CEP170: variants seen among roughly 807,000 people sequenced by gnomAD.
The protein encoded by CEP170 is centrosomal protein 170.
In CEP170, 21 loss-of-function variants were observed where a neutral mutation model predicts 151.9. The observed-to-expected ratio is 0.14, with a 90% confidence interval of 0.10 to 0.20. CEP170 has a LOEUF of 0.20. Ranked by LOEUF, CEP170 falls within the 10% of genes least tolerant of loss-of-function variation. CEP170 has a pLI of 1.00. For missense variants in CEP170, 964 were observed against 1,892.9 expected (o/e 0.51, Z 9.11); for synonymous variants, 356 against 648.8 (o/e 0.55, Z 6.86).
At chr1:243,220,067 C>T (rs1377541943) in intron 3 of CEP170, among the ~76,000 whole-genome samples, 1 of 152,218 alleles carries the variant, frequency 6.6e-6, no homozygotes, top group African/African-American at 2.4e-5. Context: ...TTGCCTATCT[C>T]TGCTAATTTT....
rs571346699 is a variant in CEP170 at position 243,245,431 on chromosome 1, C to T, written c.-42+9609G>A. Among the ~76,000 whole-genome samples, 38 of 151,968 alleles carry T rather than the reference C, an allele frequency of 2.5e-4. 1 individual carries two copies. Among genetic ancestry groups the T allele is most frequent in the Admixed American group, 2.3e-3 (35 of 15,250 alleles). On this transcript the variant is annotated intron_variant, in intron 1 of 19. Transcript: ENST00000366542. Reference sequence around the variant, plus strand: ...CTTGTCTCTATAAAAAAATAAAAAACCTTGGCCAGTGCGGTGGCTCACGCC... The same window carrying T: ...CTTGTCTCTATAAAAAAATAAAAAATCTTGGCCAGTGCGGTGGCTCACGCC...
intron 1 of CEP170, among the ~76,000 whole-genome samples, chr1:243,231,178 CATCATCATCATCATT>C (rs1457216696): frequency 1.0e-4 from 13 of 126,710 alleles, no homozygotes; most frequent in East Asian, 2.6e-4. Context: ...TCATCATCAT[CATCATCATCATCATT>C]ATTATTATTA....
chr1:243,190,441 A>AT (rs1320898875), intron 8 of CEP170, among the ~76,000 whole-genome samples: 6 of 152,132 alleles, frequency 3.9e-5, no homozygotes, highest in Non-Finnish European at 5.9e-5. Context: ...TTCAACTCTA[A>AT]TTTTCATGAA....
chr1:243,205,727 C>G (rs766427483), intron 4 of CEP170, among the ~76,000 whole-genome samples: 44 of 152,024 alleles, frequency 2.9e-4, no homozygotes, highest in Non-Finnish European at 2.9e-4. Flanking sequence ...TAACACTCAG[C>G]AAAGTAAAAT....
intron 4 of CEP170, among the ~76,000 whole-genome samples, chr1:243,208,247 T>G (rs1406663603): frequency 1.3e-5 from 2 of 152,176 alleles, no homozygotes; most frequent in Admixed American, 1.3e-4. Context: ...CCTGAACTAC[T>G]GCAATAGCCT....
intron 1 of CEP170, among the ~76,000 whole-genome samples, chr1:243,250,611 A>C (rs535952143): frequency 1.3e-5 from 2 of 152,234 alleles, no homozygotes; most frequent in Non-Finnish European, 2.9e-5. Context: ...CATGACCAAC[A>C]TCAAAAGAAA....
intron 14 of CEP170, among the ~76,000 whole-genome samples, chr1:243,146,984 C>T (rs1314027182): frequency 6.6e-6 from 1 of 150,590 alleles, no homozygotes; most frequent in Non-Finnish European, 1.5e-5. Context: ...AATTGTGAAT[C>T]CCCCATCTAG....
chr1:243,242,310 C>T lies in CEP170; in HGVS notation c.-42+12730G>A, dbSNP rs541581753. 2.0e-5 allele frequency among the ~76,000 whole-genome samples: 3 copies of T among 152,190 alleles called. No homozygotes were observed. In the South Asian group the frequency reaches 6.2e-4, roughly 32 times the overall value. On this transcript the variant is annotated intron_variant, in intron 1 of 19. Transcript: ENST00000366542. ...CTCTGCTCAATACAAGCTCCACCTCCCGGGTTCACGCCATTCTCCTGCCTC... is the reference window on the plus strand; with the variant it reads ...CTCTGCTCAATACAAGCTCCACCTCTCGGGTTCACGCCATTCTCCTGCCTC...
At chr1:243,192,243 A>C (rs1196721243) in intron 7 of CEP170, among the ~76,000 whole-genome samples, 6 of 152,158 alleles carry the variant, frequency 3.9e-5, no homozygotes, top group Non-Finnish European at 8.8e-5. Flanking sequence ...CAGAATATGC[A>C]AAAGTGTCAA....
At position 243,185,708 on chromosome 1, in the gene CEP170, T is replaced by A. The variant is rs911981852; in HGVS notation, c.1566+71A>T. On this transcript the variant is annotated intron_variant, in intron 10 of 19. Transcript: ENST00000366542. This position sits in a 1 kb window ranked among gnomAD's most constrained non-coding sequence, Gnocchi z 4.9. Reference sequence around the variant, plus strand: ...CTGCATGACAACATCTCATGCTGACTCTCCAATAATTTCCACCAGTCAAAT... The same window carrying A: ...CTGCATGACAACATCTCATGCTGACACTCCAATAATTTCCACCAGTCAAAT... 5.4e-6 allele frequency: 8 copies of A among 1,483,378 alleles called. No individual in the cohort carries two copies. In the African/African-American group the frequency reaches 1.1e-4, roughly 21 times the overall value. The allele number at this position is 1,483,378 out of a possible 1,614,324, so 91.9% of individuals were successfully genotyped here.
chr1:243,199,634 A>C (rs531295973), intron 6 of CEP170, among the ~76,000 whole-genome samples: 52 of 152,274 alleles, frequency 3.4e-4, no homozygotes, highest in African/African-American at 1.1e-3. Context: ...TGTAAAAGAC[A>C]AAGCTAAAGT....
At chr1:243,164,195 A>G in intron 13 of CEP170, 89 bp downstream of exon 13, 2 of 1,316,134 alleles carry the variant, frequency 1.5e-6, no homozygotes, top group Non-Finnish European at 1.9e-6. Flanking sequence ...TGGGAAGACA[A>G]CTAGAACCTT....
chr1:243,164,666 G>A lies in CEP170; in HGVS notation c.3294C>T (p.Thr1098=). 2.5e-6 allele frequency: 4 copies of A among 1,613,774 alleles called. No individual in the cohort carries two copies. Among genetic ancestry groups the A allele is most frequent in the Non-Finnish European group, 3.4e-6 (4 of 1,179,716 alleles). The change falls in exon 13 of 20, where the codon ACC becomes ACT. Residue 1098 remains threonine (T), a synonymous_variant. Coordinates refer to ENST00000366542, the MANE Select transcript of CEP170 (RefSeq NM_014812.3). ...KSTTLPRPRP[T]RTSLLRRARL... Reference sequence around the variant, plus strand: ...GTGCTCTGCGCAAGAGGGAAGTCCTGGTAGGTCGTGGCCTTGGAAGGGTGG... The same window carrying A: ...GTGCTCTGCGCAAGAGGGAAGTCCTAGTAGGTCGTGGCCTTGGAAGGGTGG...
intron 4 of CEP170, among the ~76,000 whole-genome samples, chr1:243,208,529 A>G (rs2061566927): frequency 6.6e-6 from 1 of 151,718 alleles, no homozygotes; most frequent in African/African-American, 2.4e-5. Context: ...TATTCCTCCA[A>G]TATGTCAAAC....
intron 1 of CEP170, among the ~76,000 whole-genome samples, chr1:243,240,820 G>C (rs1270281051): frequency 6.6e-6 from 1 of 152,052 alleles, no homozygotes; most frequent in Non-Finnish European, 1.5e-5. Flanking sequence ...AGCCTCCCAA[G>C]TAGCTGGGAT....
At chr1:243,230,176 C>T (rs1420562996) in intron 1 of CEP170, among the ~76,000 whole-genome samples, 2 of 151,804 alleles carry the variant, frequency 1.3e-5, no homozygotes, top group Non-Finnish European at 1.5e-5. Context: ...CATAATGAGA[C>T]CTCATATCTA....
At chr1:243,169,969 A>G (rs1449072898) in intron 11 of CEP170, among the ~76,000 whole-genome samples, 1 of 152,240 alleles carries the variant, frequency 6.6e-6, no homozygotes, top group Non-Finnish European at 1.5e-5. Flanking sequence ...ACTAAAAATG[A>G]CACCTCTCAA....
intron 10 of CEP170, among the ~76,000 whole-genome samples, chr1:243,174,824 T>C (rs959762621): frequency 5.1e-4 from 77 of 152,360 alleles, no homozygotes; most frequent in African/African-American, 1.6e-3. Context: ...ATAACCTGTG[T>C]CCTCTACCTT....
chr1:243,247,100 C>G (rs1045144742), intron 1 of CEP170, among the ~76,000 whole-genome samples: 2 of 152,154 alleles, frequency 1.3e-5, no homozygotes, highest in Admixed American at 6.5e-5. Context: ...AACCCCTAAC[C>G]AGTCCCTAAG....
Sources: allele counts gnomAD v4.1 joint callset (sites outside exome capture counted in the v4.1 genomes callset), GRCh38; gene constraint gnomAD v4.1.1; non-coding constraint Gnocchi (gnomAD v3.1); transcripts MANE v1.5; gene names NCBI Gene and HGNC (gene_info 2026-07-23, HGNC 2026-07-21).